Variants in PLEKHA2 observed in about 807,000 individuals in gnomAD.
The protein encoded by PLEKHA2 is pleckstrin homology domain containing A2.
A neutral mutation model predicts 53.2 loss-of-function variants in PLEKHA2; 28 were observed. The ratio of observed to expected loss-of-function variants is 0.53; its 90% CI spans 0.39 to 0.72. PLEKHA2 has a LOEUF of 0.72. PLEKHA2 is among the 30% of genes least tolerant of loss of function. The probability of loss-of-function intolerance (pLI) is 0.00; values close to 1 mark genes in which losing one functional copy is unlikely to be tolerated. For synonymous variants in PLEKHA2, 193 were observed against 196.4 expected, an observed-to-expected ratio of 0.98 and a Z score of 0.14; for missense variants, 426 against 537.9, an observed-to-expected ratio of 0.79 and a Z score of 2.06.
intron 3 of PLEKHA2, among the ~76,000 whole-genome samples, chr8:38,937,340 C>T (rs1834515030): frequency 6.6e-6 from 1 of 152,206 alleles, no homozygotes. Flanking sequence ...AGGCCCAGGC[C>T]TGCCCGCCCT....
Position 38,926,703 on chromosome 8 carries a change from G to T in PLEKHA2, c.141+8633G>T, listed in dbSNP as rs545932353. Among the ~76,000 whole-genome samples, 47 of 152,366 alleles carry T rather than the reference G, an allele frequency of 3.1e-4. No homozygotes were observed. In the South Asian group the frequency reaches 8.7e-3, roughly 28 times the overall value. On this transcript the variant is annotated intron_variant, in intron 2 of 11. Transcript: ENST00000617275. Reference sequence around the variant, plus strand: ...CCCAGTACTCTGGGAGGCCAAGGCAGGCGATCACCTGCGGTCAGGAGTTCA... The same window carrying T: ...CCCAGTACTCTGGGAGGCCAAGGCATGCGATCACCTGCGGTCAGGAGTTCA...
At chr8:38,961,336 A>T (rs1466304777) in intron 10 of PLEKHA2, among the ~76,000 whole-genome samples, 1 of 152,124 alleles carries the variant, frequency 6.6e-6, no homozygotes, top group Non-Finnish European at 1.5e-5. Flanking sequence ...CAGGAGTTCG[A>T]GGTCAGCCTG....
chr8:38,907,856 A>C (rs1833901687), intron 1 of PLEKHA2, among the ~76,000 whole-genome samples: 1 of 142,444 alleles, frequency 7.0e-6, no homozygotes, highest in African/African-American at 2.5e-5. Flanking sequence ...GTATGTATGT[A>C]TGTATGTATT....
rs181732057 is a variant in PLEKHA2 at position 38,935,802 on chromosome 8, A to G, written c.142-192A>G. On this transcript the variant is annotated intron_variant, in intron 2 of 11. Transcript: ENST00000617275. ...GGTAATGTTAATGTCACAGGTTTCT[A>G]TCAGGAATCCTGAATCATTATCCAG... 1.2e-4 allele frequency among the ~76,000 whole-genome samples: 19 copies of G among 152,324 alleles called. No individual in the cohort carries two copies. In the East Asian group the frequency reaches 2.5e-3, roughly 20 times the overall value.
Position 38,969,453 on chromosome 8 carries a change from C to A in PLEKHA2, c.948C>A (p.Thr316=). ...CCTTTTCTAGATCCATTTCTTTGAC[C>A]CGACCTGGAAGCTCCAGCCTTTCAA... ...ETSFSRSISL[T]RPGSSSLSSG... Residue 316 remains threonine, a synonymous_variant, in exon 12 of 12, where the codon ACC becomes ACA. Coordinates refer to ENST00000617275, the MANE Select transcript of PLEKHA2 (RefSeq NM_021623.2). 2.5e-6 allele frequency: 4 copies of A among 1,613,508 alleles called. No homozygotes were observed. Among genetic ancestry groups the A allele is most frequent in the Non-Finnish European group, 3.4e-6 (4 of 1,179,772 alleles).
chr8:38,958,548 G>A (rs540810074), intron 10 of PLEKHA2, among the ~76,000 whole-genome samples: 23 of 152,234 alleles, frequency 1.5e-4, no homozygotes, highest in South Asian at 1.0e-3. Flanking sequence ...AGCCCAGCAC[G>A]TGTTTGAGTA....
intron 5 of PLEKHA2, among the ~76,000 whole-genome samples, chr8:38,948,907 A>G (rs139036197): frequency 3.3e-5 from 5 of 152,176 alleles, no homozygotes; most frequent in East Asian, 1.9e-4. Flanking sequence ...GTCTCGCTCT[A>G]TAGCCCAGGC....
intron 6 of PLEKHA2, 29 bp downstream of exon 6, chr8:38,951,019 G>A (rs756894676): frequency 5.3e-5 from 85 of 1,599,626 alleles, no homozygotes; most frequent in South Asian, 2.2e-5. Context: ...GCTGCGGGGG[G>A]AGTGGGGGTG....
Position 38,946,208 on chromosome 8 carries a change from C to T in PLEKHA2, c.332C>T (p.Ala111Val). ...GACTGGGTTGAAGCCCTGAACCAAGCCAGCAAGATCACCGTAAGTTTGGTT... is the reference window on the plus strand; with the variant it reads ...GACTGGGTTGAAGCCCTGAACCAAGTCAGCAAGATCACCGTAAGTTTGGTT... Reference protein sequence around the residue: ...MKDWVEALNQASKITVPKGGG... With the variant: ...MKDWVEALNQVSKITVPKGGG... The change falls in exon 5 of 12, where the codon GCC becomes GTC. Residue 111 changes from alanine (A) to valine (V), a missense_variant. Coordinates refer to ENST00000617275, the MANE Select transcript of PLEKHA2 (RefSeq NM_021623.2). 6.2e-7 allele frequency: 1 copy of T among 1,601,992 alleles called. No homozygotes were observed. The highest frequency in any genetic ancestry group is 8.5e-7 in the Non-Finnish European group (1 of 1,173,892).
intron 5 of PLEKHA2, among the ~76,000 whole-genome samples, chr8:38,947,729 G>T (rs1834741628): frequency 6.6e-6 from 1 of 152,120 alleles, no homozygotes; most frequent in African/African-American, 2.4e-5. Flanking sequence ...TGTTCTTCGG[G>T]ATTTTGAGAG....
At chr8:38,917,859 A>G (rs773845827) in intron 1 of PLEKHA2, 48 bp from the exon 2 acceptor site, 20 of 1,574,918 alleles carry the variant, frequency 1.3e-5, no homozygotes, top group Non-Finnish European at 1.6e-5. Flanking sequence ...GTCCTGAGGC[A>G]GAGCTGCTTC....
At chr8:38,949,139 G>A (rs1834776051) in intron 5 of PLEKHA2, among the ~76,000 whole-genome samples, 1 of 152,142 alleles carries the variant, frequency 6.6e-6, no homozygotes, top group Non-Finnish European at 1.5e-5. Context: ...CCAAAGTGCT[G>A]GGATTATAGG....
intron 10 of PLEKHA2, among the ~76,000 whole-genome samples, chr8:38,958,837 T>C (rs944681079): frequency 6.6e-6 from 1 of 151,910 alleles, no homozygotes; most frequent in African/African-American, 2.4e-5. Flanking sequence ...ACAGAACAGA[T>C]CCCGAACCCA....
At chr8:38,946,269 C>G (rs759164184) in intron 5 of PLEKHA2, 48 bp downstream of exon 5, 6 of 1,486,790 alleles carry the variant, frequency 4.0e-6, no homozygotes, top group Non-Finnish European at 5.5e-6. Context: ...AGTGCCTCTT[C>G]CCAGGCTATG....
chr8:38,934,137 TAGAAGA>T (rs967690705), intron 2 of PLEKHA2, among the ~76,000 whole-genome samples: 40 of 151,466 alleles, frequency 2.6e-4, no homozygotes, highest in Non-Finnish European at 4.6e-4. Context: ...GAAGAAGAGG[TAGAAGA>T]AGAAGAAGAA....
intron 1 of PLEKHA2, among the ~76,000 whole-genome samples, chr8:38,907,676 G>C (rs556336684): frequency 6.6e-6 from 1 of 151,042 alleles, no homozygotes; most frequent in Non-Finnish European, 1.5e-5. Context: ...TGGGAGGATC[G>C]CATGAGCCCA....
At chr8:38,903,453 G>A (rs1833823391) in intron 1 of PLEKHA2, among the ~76,000 whole-genome samples, 1 of 152,228 alleles carries the variant, frequency 6.6e-6, no homozygotes. Flanking sequence ...ATCCCATCAT[G>A]TCATGGTAGT....
At chr8:38,908,874 G>A (rs980750226) in intron 1 of PLEKHA2, among the ~76,000 whole-genome samples, 7 of 152,196 alleles carry the variant, frequency 4.6e-5, no homozygotes, top group African/African-American at 1.4e-4. Context: ...GCCAGGCGCG[G>A]TGGCTCACGC....
At chr8:38,915,221 C>T (rs1834037336) in intron 1 of PLEKHA2, among the ~76,000 whole-genome samples, 1 of 152,236 alleles carries the variant, frequency 6.6e-6, no homozygotes, top group South Asian at 2.1e-4. Context: ...GCTGGGATTA[C>T]AGTTGTGAGC....
Sources: gnomAD v4.1 joint callset for allele counts (sites outside exome capture counted in the v4.1 genomes callset) on GRCh38, gnomAD v4.1.1 for gene constraint, MANE v1.5 for transcripts, NCBI Gene and HGNC (gene_info 2026-07-23, HGNC 2026-07-21) for gene names.